Variants in SHOX observed in about 807,000 individuals in gnomAD.
SHOX encodes the protein SHOX homeobox.
Under a neutral mutation model 29.6 loss-of-function variants are expected in SHOX, and 12 were observed. The ratio of observed to expected loss-of-function variants is 0.41; its 90% CI spans 0.26 to 0.66. The LOEUF (loss-of-function observed/expected upper bound fraction) is 0.66, where lower values mean the gene tolerates loss of function less well. SHOX is among the 30% of genes least tolerant of loss of function. The pLI, the probability that SHOX is intolerant of heterozygous loss-of-function variation, is 0.35. For synonymous variants in SHOX, 214 were observed against 200.6 expected (o/e 1.07, Z -0.57); for missense variants, 499 against 437.7 (o/e 1.14, Z -1.25).
chrX:658,035 C>T (rs1373670890), intron 5 of SHOX, among the ~76,000 whole-genome samples: 5 of 152,096 alleles, frequency 3.3e-5, no homozygotes, highest in East Asian at 1.9e-4. Flanking sequence ...AGTGCAATGG[C>T]GTGATCTCGG....
At chrX:657,625 C>T (rs1177239011) in intron 5 of SHOX, among the ~76,000 whole-genome samples, 1 of 152,176 alleles carries the variant, frequency 6.6e-6, no homozygotes, top group Non-Finnish European at 1.5e-5. Flanking sequence ...GTTTCCTATG[C>T]ACTCTCTGAG....
Position 649,291 on chromosome X carries a change from A to G in SHOX, c.*4655A>G, listed in dbSNP as rs28643351. On this transcript the variant is annotated 3_prime_UTR_variant, in exon 5 of 5. Coordinates refer to ENST00000686671, the MANE Select transcript of SHOX (RefSeq NM_000451.4). ...TGACCTCACATGATCCACCCGCCTC[A>G]GCCTCCCAGAGTGCTGGGATTACGG... Among the ~76,000 whole-genome samples, 63,010 of 151,856 alleles carry G rather than the reference A, an allele frequency of 0.41. 13,339 individuals are homozygous for G. The highest frequency in any genetic ancestry group is 0.43 in the Non-Finnish European group (29,495 of 67,916).
At chrX:630,738 G>T (rs1023090979), upstream of SHOX, 19 of 894,532 alleles carry the variant, frequency 2.1e-5, no homozygotes, top group Non-Finnish European at 3.4e-5. Flanking sequence ...GCAGCGCATG[G>T]GGGGCTGGGC....
At chrX:651,815 C>T (rs1194215602), downstream of SHOX, among the ~76,000 whole-genome samples, 11 of 152,064 alleles carry the variant, frequency 7.2e-5, no homozygotes, top group South Asian at 2.1e-4. Context: ...CCTACCTCCC[C>T]GCTTCTCAGC....
chrX:625,210 C>T (rs1369748807), intron 1 of SHOX, among the ~76,000 whole-genome samples: 7 of 142,186 alleles, frequency 4.9e-5, no homozygotes, highest in Non-Finnish European at 9.2e-5. Context: ...CCTTCTCCTC[C>T]TCCTCCTCCT....
chrX:656,834 C>T (rs1307294208), intron 5 of SHOX, among the ~76,000 whole-genome samples: 1 of 103,330 alleles, frequency 9.7e-6, no homozygotes, highest in Non-Finnish European at 2.0e-5. Context: ...CAGAGCAAGA[C>T]TCCGTCTCAA....
At chrX:635,968 G>A (rs1770593611) in intron 2 of SHOX, among the ~76,000 whole-genome samples, 1 of 151,624 alleles carries the variant, frequency 6.6e-6, no homozygotes, top group East Asian at 1.9e-4. Context: ...CCGTGACAAA[G>A]CAAACGGCGT....
At chrX:642,612 CTTGTACCGTCTT>C (rs1373619516) in intron 4 of SHOX, among the ~76,000 whole-genome samples, 1 of 152,178 alleles carries the variant, frequency 6.6e-6, no homozygotes, top group African/African-American at 2.4e-5. Flanking sequence ...GAGCCTACTT[CTTGTACCGTCTT>C]TTGCCGACGG....
downstream of SHOX, among the ~76,000 whole-genome samples, chrX:656,398 A>C (rs1444566836): frequency 1.3e-5 from 2 of 150,480 alleles, no homozygotes; most frequent in East Asian, 2.0e-4. Context: ...ACAAAGTGAG[A>C]TCTTGTTTCT....
At chrX:641,186 C>G in intron 4 of SHOX, 99 bp downstream of exon 4, 3 of 1,173,918 alleles carry the variant, frequency 2.6e-6, no homozygotes, top group Non-Finnish European at 3.8e-6. Context: ...TAGTCCCTCC[C>G]TGCCCCTGCA....
At position 650,604 on chromosome X, in the gene SHOX, C is replaced by G. The variant is rs771712503; in HGVS notation, c.*5968C>G. Among the ~76,000 whole-genome samples the G allele has an allele frequency of 6.6e-6, 1 of 151,298 alleles. No individual in the cohort carries two copies. The highest frequency in any genetic ancestry group is 6.6e-5 in the Admixed American group (1 of 15,146). On this transcript the variant is annotated 3_prime_UTR_variant, in exon 5 of 5. Transcript: ENST00000686671. ...GCTGACCTTTCTAACATTTGTTTTC[C>G]CCTAAGAACAAGCAGAAGCCTCCAG... is the stretch of plus-strand genomic sequence containing the variant.
upstream of SHOX, among the ~76,000 whole-genome samples, chrX:628,551 T>C (rs1287252187): frequency 2.8e-5 from 1 of 35,582 alleles, no homozygotes; most frequent in Non-Finnish European, 6.9e-5. Flanking sequence ...GTCTCTCTCT[T>C]TCTCTCTCTA....
chrX:640,365 A>G (rs1242143719), intron 2 of SHOX, among the ~76,000 whole-genome samples: 1 of 150,482 alleles, frequency 6.6e-6, no homozygotes, highest in African/African-American at 2.5e-5. Context: ...GAAAGCAAAA[A>G]CAAAAAACAA....
At position 649,671 on chromosome X, in the gene SHOX, CAG is replaced by C. The variant is rs2053024087; in HGVS notation, c.*5042_*5043del. Among the ~76,000 whole-genome samples the C allele has an allele frequency of 6.6e-6, 1 of 152,108 alleles. No homozygotes were observed. The highest frequency in any genetic ancestry group is 6.6e-5 in the Admixed American group (1 of 15,260). On this transcript the variant is annotated 3_prime_UTR_variant, in exon 5 of 5. Coordinates refer to ENST00000686671, the MANE Select transcript of SHOX (RefSeq NM_000451.4). ...GCTGTGTTCCGATGTAACGCCGTTG[CAG>C]AGAGAGGATTTGGTGTGTGAGATCC...
chrX:652,047 C>G (rs761412665), downstream of SHOX, among the ~76,000 whole-genome samples: 1 of 152,046 alleles, frequency 6.6e-6, no homozygotes, highest in Non-Finnish European at 1.5e-5. Context: ...CTCAGCCTCC[C>G]GAGTAGCTGG....
downstream of SHOX, among the ~76,000 whole-genome samples, chrX:653,007 G>T (rs1424584856): frequency 6.6e-6 from 1 of 152,128 alleles, no homozygotes; most frequent in Non-Finnish European, 1.5e-5. Context: ...TTGGGAGGCC[G>T]AGGCGGGTGG....
At chrX:637,443 C>G (rs753043997) in intron 2 of SHOX, among the ~76,000 whole-genome samples, 1 of 151,850 alleles carries the variant, frequency 6.6e-6, no homozygotes, top group Non-Finnish European at 1.5e-5. Context: ...CACGTTAGTT[C>G]AGCTGCGGAA....
intron 1 of SHOX, among the ~76,000 whole-genome samples, chrX:625,207 C>T (rs757840630): frequency 2.2e-3 from 201 of 91,466 alleles, no homozygotes; most frequent in African/African-American, 8.7e-3. Flanking sequence ...CCTCCTTCTC[C>T]TCCTCCTCCT....
Position 650,792 on chromosome X carries a change from T to TAAAAAAAAAAAAAAAA in SHOX, c.*6168_*6183dup, listed in dbSNP as rs1041655715. 9.8e-5 allele frequency among the ~76,000 whole-genome samples: 5 copies of TAAAAAAAAAAAAAAAA among 50,836 alleles called. 1 individual carries two copies. The highest frequency in any genetic ancestry group is 1.8e-4 in the Non-Finnish European group (5 of 27,070). 33.4% of individuals were successfully genotyped at this position (50,836 alleles called of 152,430 possible). A position where few individuals can be genotyped will look rare whatever the true frequency, so the allele number is the denominator to read the frequency against. ...GGCTTTCGGTGGACACGTTTGACAT[T>TAAAAAAAAAAAAAAAA]AAAAAAAAAAAAAAAAAAAAAAAAA... On this transcript the variant is annotated 3_prime_UTR_variant, in exon 5 of 5. Coordinates refer to ENST00000686671, the MANE Select transcript of SHOX (RefSeq NM_000451.4).
Sources: allele counts gnomAD v4.1 joint callset (sites outside exome capture counted in the v4.1 genomes callset), GRCh38; gene constraint gnomAD v4.1.1; transcripts MANE v1.5; gene names NCBI Gene and HGNC (gene_info 2026-07-23, HGNC 2026-07-21).